RETREG1: variants seen among roughly 807,000 people sequenced by gnomAD.
RETREG1 encodes the protein reticulophagy regulator 1.
A neutral mutation model predicts 54.8 loss-of-function variants in RETREG1; 44 were observed. The ratio of observed to expected loss-of-function variants is 0.80; its 90% confidence interval spans 0.63 to 1.03. The LOEUF (loss-of-function observed/expected upper bound fraction) is 1.03, where lower values mean the gene tolerates loss of function less well. Among genes scored for constraint, RETREG1 ranks in the 50% least tolerant of loss-of-function variants. The probability of loss-of-function intolerance (pLI) is 0.00; values close to 1 mark genes in which losing one functional copy is unlikely to be tolerated. For synonymous variants in RETREG1, 217 were observed against 238.5 expected (o/e 0.91, Z 0.83); for missense variants, 554 against 605.1 (o/e 0.92, Z 0.89).
chr5:16,552,233 A>G (rs899050385), intron 3 of RETREG1, among the ~76,000 whole-genome samples: 3 of 152,252 alleles, frequency 2.0e-5, no homozygotes, highest in South Asian at 2.1e-4. Flanking sequence ...CTTTGCCCTC[A>G]GTATTTAACA....
At chr5:16,565,201 G>C (rs1741975003) in intron 3 of RETREG1, among the ~76,000 whole-genome samples, 1 of 152,036 alleles carries the variant, frequency 6.6e-6, no homozygotes, top group South Asian at 2.1e-4. Context: ...CTTTACCATA[G>C]AATGGATGAA....
chr5:16,595,278 A>C (rs936682459), intron 1 of RETREG1, among the ~76,000 whole-genome samples: 4 of 152,012 alleles, frequency 2.6e-5, no homozygotes, highest in South Asian at 4.1e-4. Context: ...TCTTTTTTTT[A>C]AGCACCGAGT....
intron 3 of RETREG1, among the ~76,000 whole-genome samples, chr5:16,558,748 A>C (rs1741777005): frequency 6.6e-6 from 1 of 152,234 alleles, no homozygotes; most frequent in South Asian, 2.1e-4. Context: ...TGAATGTCAG[A>C]ATTACTGTTA....
chr5:16,591,390 G>A (rs1337100377), intron 1 of RETREG1, among the ~76,000 whole-genome samples: 5 of 152,190 alleles, frequency 3.3e-5, no homozygotes. Context: ...TGCTGACTCT[G>A]AGAGCCCGAG....
intron 1 of RETREG1, among the ~76,000 whole-genome samples, chr5:16,611,351 T>C (rs1453715860): frequency 2.0e-5 from 3 of 151,950 alleles, no homozygotes. Context: ...CATGTATACA[T>C]ACGTAACAAA....
intron 3 of RETREG1, among the ~76,000 whole-genome samples, chr5:16,550,559 C>G (rs1321956507): frequency 6.6e-6 from 1 of 152,232 alleles, no homozygotes; most frequent in Non-Finnish European, 1.5e-5. Context: ...AGCTGCCAGG[C>G]TGCATGCAGA....
Position 16,500,594 on chromosome 5 carries a change from T to A in RETREG1, c.459-17122A>T, listed in dbSNP as rs752108653. Among the ~76,000 whole-genome samples, 54 of 151,926 alleles carry A rather than the reference T, an allele frequency of 3.6e-4. 1 individual carries two copies. Among genetic ancestry groups the A allele is most frequent in the Admixed American group, 1.6e-3 (24 of 15,270 alleles). ...ATAGGACCAGTCAGAAGATTCAGAG[T>A]GCTCAAAAGACTAAAGCAAACCAGC... is the stretch of plus-strand genomic sequence containing the variant. On this transcript the variant is annotated intron_variant, in intron 3 of 8. Transcript: ENST00000306320.
At chr5:16,591,686 TC>T (rs1272462894) in intron 1 of RETREG1, among the ~76,000 whole-genome samples, 2 of 152,132 alleles carry the variant, frequency 1.3e-5, no homozygotes, top group East Asian at 3.9e-4. Flanking sequence ...AACAACTTTC[TC>T]TAATTAAACA....
intron 3 of RETREG1, among the ~76,000 whole-genome samples, chr5:16,509,986 CCT>C (rs1007201985): frequency 3.3e-5 from 5 of 151,900 alleles, no homozygotes; most frequent in African/African-American, 9.7e-5. Flanking sequence ...AGAGCAAGAC[CCT>C]GTTTCTTTAA....
intron 3 of RETREG1, among the ~76,000 whole-genome samples, chr5:16,515,225 T>C (rs951895968): frequency 2.0e-5 from 3 of 152,080 alleles, no homozygotes; most frequent in Admixed American, 6.5e-5. Context: ...CCACCAGCAG[T>C]GTAAAAGGGT....
At chr5:16,574,517 G>T (rs557280319) in intron 1 of RETREG1, among the ~76,000 whole-genome samples, 4 of 152,280 alleles carry the variant, frequency 2.6e-5, no homozygotes, top group South Asian at 2.1e-4. Context: ...GTGGTGGGTA[G>T]AGCCCTCCAC....
chr5:16,571,295 ATG>A (rs1365538442), intron 2 of RETREG1, among the ~76,000 whole-genome samples: 2 of 152,128 alleles, frequency 1.3e-5, no homozygotes, highest in Non-Finnish European at 2.9e-5. Context: ...GTGAAATTAA[ATG>A]TCTCTTTGTA....
intron 1 of RETREG1, among the ~76,000 whole-genome samples, chr5:16,590,125 G>A (rs186426737): frequency 6.6e-6 from 1 of 152,298 alleles, no homozygotes; most frequent in Non-Finnish European, 1.5e-5. Flanking sequence ...CCTCAGATGA[G>A]AATGAATGTT....
At chr5:16,580,685 T>A (rs1007711067) in intron 1 of RETREG1, among the ~76,000 whole-genome samples, 1 of 150,916 alleles carries the variant, frequency 6.6e-6, no homozygotes, top group Non-Finnish European at 1.5e-5. Flanking sequence ...TGAGGGGGAG[T>A]GTGGTCAAAG....
In RETREG1 at chr5:16,495,789, A is replaced by AG. The variant is rs1245881196; in HGVS notation, c.459-12318dup. Among the ~76,000 whole-genome samples the AG allele has an allele frequency of 2.3e-5, 3 of 130,560 alleles. No individual in the cohort carries two copies. The East Asian group carries it at 6.6e-4, about 29-fold the overall frequency. 85.7% of individuals were successfully genotyped at this position (130,560 alleles called of 152,430 possible). On this transcript the variant is annotated intron_variant, in intron 3 of 8. Coordinates refer to ENST00000306320, the MANE Select transcript of RETREG1 (RefSeq NM_001034850.3). ...GCACTCCAGCCTGGGCGACAGAGCG[A>AG]GACTCTGTCTCAAAAAAAAAAAATA...
intron 1 of RETREG1, among the ~76,000 whole-genome samples, chr5:16,577,428 A>AT (rs907162950): frequency 3.3e-5 from 5 of 151,808 alleles, no homozygotes; most frequent in Admixed American, 3.3e-4. Flanking sequence ...CTAGTGGCTG[A>AT]TTCCTCAGAG....
At chr5:16,523,375 A>G (rs1468831486) in intron 3 of RETREG1, among the ~76,000 whole-genome samples, 1 of 152,080 alleles carries the variant, frequency 6.6e-6, no homozygotes, top group African/African-American at 2.4e-5. Flanking sequence ...TTCCTCAGTT[A>G]TCATGACCTT....
chr5:16,609,928 G>C (rs1391293373), intron 1 of RETREG1, among the ~76,000 whole-genome samples: 1 of 152,146 alleles, frequency 6.6e-6, no homozygotes, highest in Non-Finnish European at 1.5e-5. Flanking sequence ...TCTCAAACTG[G>C]AACATGTATT....
At chr5:16,539,749 C>T (rs919045474) in intron 3 of RETREG1, among the ~76,000 whole-genome samples, 1 of 152,192 alleles carries the variant, frequency 6.6e-6, no homozygotes. Flanking sequence ...ATCACTTCCT[C>T]GACTTGCCTT....
Sources: allele counts gnomAD v4.1 joint callset (sites outside exome capture counted in the v4.1 genomes callset), GRCh38; gene constraint gnomAD v4.1.1; transcripts MANE v1.5; gene names NCBI Gene and HGNC (gene_info 2026-07-23, HGNC 2026-07-21).